NCOR2: variants seen among roughly 807,000 people sequenced by gnomAD.
NCOR2 encodes nuclear receptor corepressor 2.
NCOR2 carries 81 observed loss-of-function variants against 262.9 expected under a neutral mutation model. The ratio of observed to expected loss-of-function variants is 0.31; its 90% confidence interval spans 0.26 to 0.37. The LOEUF (loss-of-function observed/expected upper bound fraction) is 0.37. NCOR2 is among the 10% of genes least tolerant of loss of function. The probability of loss-of-function intolerance (pLI) is 1.00; values close to 1 mark genes in which losing one functional copy is unlikely to be tolerated. For missense variants in NCOR2, 3,385 were observed against 3,621.4 expected (o/e 0.93, Z 1.68); for synonymous variants, 1,659 against 1,559.3 (o/e 1.06, Z -1.51).
At chr12:124,543,734 G>T (rs2051453076) in intron 1 of NCOR2, among the ~76,000 whole-genome samples, 1 of 152,204 alleles carries the variant, frequency 6.6e-6, no homozygotes, top group African/African-American at 2.4e-5. Flanking sequence ...CAGCAGCCTG[G>T]CTCATGGCCA....
At chr12:124,335,358 T>C (rs2035788657) in intron 39 of NCOR2, 78 bp from the exon 42 acceptor site, 2 of 1,501,538 alleles carry the variant, frequency 1.3e-6, no homozygotes, top group Non-Finnish European at 1.8e-6. Context: ...CCCCATGCCT[T>C]TGAGCCTCAT....
At chr12:124,388,802 G>C (rs936334293) in intron 16 of NCOR2, 19 of 1,300,556 alleles carry the variant, frequency 1.5e-5, no homozygotes, top group South Asian at 9.9e-5. Context: ...TCGGCTCTGC[G>C]AGGCTGCTGG....
At chr12:124,463,610 G>A (rs1474756777) in intron 5 of NCOR2, among the ~76,000 whole-genome samples, 2 of 152,256 alleles carry the variant, frequency 1.3e-5, no homozygotes, top group Non-Finnish European at 2.9e-5. Flanking sequence ...CTGCCCGGCA[G>A]GGAAGCTGCG....
chr12:124,551,078 T>A (rs11057668), intron 1 of NCOR2, among the ~76,000 whole-genome samples: 1 of 152,362 alleles, frequency 6.6e-6, no homozygotes, highest in East Asian at 1.9e-4. Flanking sequence ...TGATAGCTAA[T>A]GCCACGGTTC....
At chr12:124,374,368 C>G (rs1489962237) in intron 19 of NCOR2, 45 bp downstream of exon 21, 1 of 1,598,388 alleles carries the variant, frequency 6.3e-7, no homozygotes, top group Non-Finnish European at 8.6e-7. Context: ...GGGATGCCCG[C>G]CCCGGCCCGG....
rs551996761 is a variant in NCOR2, at chr12:124,523,506, G to C, written c.-118+12059C>G. Among the ~76,000 whole-genome samples the C allele has an allele frequency of 2.6e-5, 4 of 152,240 alleles. No homozygotes were observed. The East Asian group carries it at 7.7e-4, about 29-fold the overall frequency. ...TCACCCAAGCTCTCAGTGTGCCAGG[G>C]TCAGTGGGCTTCACGCGGCCTCCAC... On this transcript the variant is annotated intron_variant, in intron 1 of 46. Coordinates refer to the NCOR2 transcript ENST00000404621. This position sits in a 1 kb window ranked among gnomAD's most constrained non-coding sequence, Gnocchi z 4.0.
chr12:124,470,843 A>AG (rs2136684937), intron 4 of NCOR2, among the ~76,000 whole-genome samples: 1 of 152,368 alleles, frequency 6.6e-6, no homozygotes, highest in Admixed American at 6.5e-5. Context: ...TGGAATTTAG[A>AG]GGGGAAAAAA....
intron 1 of NCOR2, among the ~76,000 whole-genome samples, chr12:124,508,298 A>G (rs2049162395): frequency 6.6e-6 from 1 of 152,274 alleles, no homozygotes; most frequent in African/African-American, 2.4e-5. Flanking sequence ...GGCATTGATC[A>G]ATAAATGTCT....
In NCOR2 at chr12:124,351,365, G is replaced by A. The variant is rs527936267; in HGVS notation, c.3694-628C>T. 1.8e-3 allele frequency among the ~76,000 whole-genome samples: 252 copies of A among 143,202 alleles called. 1 individual carries two copies. Among genetic ancestry groups the A allele is most frequent in the African/African-American group, 6.1e-3 (234 of 38,514 alleles). The allele number at this position is 143,202 out of a possible 152,430, so 93.9% of individuals were successfully genotyped here. A position where few individuals can be genotyped will look rare whatever the true frequency, so the allele number is the denominator to read the frequency against. ...CACCTCGGCCCTCCTGACAGCTGGAGCTGGACCCTTCTTTGCTGTGGGGCT... is the reference window on the plus strand; with the variant it reads ...CACCTCGGCCCTCCTGACAGCTGGAACTGGACCCTTCTTTGCTGTGGGGCT... On this transcript the variant is annotated intron_variant, in intron 27 of 46. Coordinates refer to ENST00000405201, the Ensembl canonical transcript of NCOR2.
At chr12:124,446,998 T>A (rs1442410090) in intron 7 of NCOR2, among the ~76,000 whole-genome samples, 1 of 152,128 alleles carries the variant, frequency 6.6e-6, no homozygotes, top group Non-Finnish European at 1.5e-5. Context: ...CACTGCAACC[T>A]CCATCTTCCA....
chr12:124,487,873 T>TAAAA (rs3040836), intron 1 of NCOR2, among the ~76,000 whole-genome samples: 1 of 137,666 alleles, frequency 7.3e-6, no homozygotes, highest in African/African-American at 2.7e-5. Context: ...AAACTGTGTT[T>TAAAA]AAAAAAAAAA....
At chr12:124,359,602 T>C (rs966291824) in intron 22 of NCOR2, among the ~76,000 whole-genome samples, 1 of 152,214 alleles carries the variant, frequency 6.6e-6, no homozygotes, top group African/African-American at 2.4e-5. Flanking sequence ...GCAAACGCCC[T>C]GGACCTGGCC....
In NCOR2 at chr12:124,457,476, C is replaced by A. The variant is rs1234727397; in HGVS notation, c.706-314G>T. 6.6e-6 allele frequency among the ~76,000 whole-genome samples: 1 copy of A among 152,162 alleles called. No individual in the cohort carries two copies. The highest frequency in any genetic ancestry group is 1.5e-5 in the Non-Finnish European group (1 of 68,028). ...CTCCCCCAGGGCCCAGCGACGTGGG[C>A]ACCGCTCCCCACCAGCCCAGCCGAC... On this transcript the variant is annotated intron_variant, in intron 5 of 46. Coordinates refer to ENST00000405201, the Ensembl canonical transcript of NCOR2. The surrounding 1 kb of genome is among the most constrained non-coding windows in gnomAD (Gnocchi z 4.0).
At chr12:124,516,577 G>A (rs2049804081) in intron 1 of NCOR2, among the ~76,000 whole-genome samples, 1 of 152,160 alleles carries the variant, frequency 6.6e-6, no homozygotes, top group Non-Finnish European at 1.5e-5. Context: ...CCAGCACTGT[G>A]CGGGCCCCTT....
intron 1 of NCOR2, among the ~76,000 whole-genome samples, chr12:124,554,856 C>T (rs563505367): frequency 5.3e-5 from 8 of 152,268 alleles, no homozygotes; most frequent in Non-Finnish European, 1.0e-4. Context: ...GGTCAGCTTC[C>T]TGCACAGCAG....
intron 12 of NCOR2, among the ~76,000 whole-genome samples, chr12:124,420,634 G>C (rs925081354): frequency 6.6e-6 from 1 of 152,176 alleles, no homozygotes; most frequent in African/African-American, 2.4e-5. Context: ...ATGTAGATTG[G>C]GTCTGAAAGC....
chr12:124,412,332 G>A (rs1458632953), intron 13 of NCOR2, among the ~76,000 whole-genome samples: 2 of 152,264 alleles, frequency 1.3e-5, no homozygotes, highest in Non-Finnish European at 2.9e-5. Flanking sequence ...CTTCAGACAG[G>A]GCAGGTGTCC....
chr12:124,399,897 G>A (rs10846668), intron 15 of NCOR2, among the ~76,000 whole-genome samples: 57,117 of 151,932 alleles, frequency 0.38, 12,970 homozygotes, highest in Non-Finnish European at 0.49. Flanking sequence ...AGGGTAGTGA[G>A]GGATGAACAC....
chr12:124,519,115 CACACACACACACACACAG>C (rs2050027785), intron 1 of NCOR2, among the ~76,000 whole-genome samples: 1 of 151,344 alleles, frequency 6.6e-6, no homozygotes, highest in South Asian at 2.1e-4. Context: ...CACACACACA[CACACACACACACACACAG>C]GCCAACAATG....
Sources: gnomAD v4.1 joint callset for allele counts (sites outside exome capture counted in the v4.1 genomes callset) on GRCh38, gnomAD v4.1.1 for gene constraint, Gnocchi (gnomAD v3.1) non-coding constraint, MANE v1.5 for transcripts, NCBI Gene and HGNC (gene_info 2026-07-23, HGNC 2026-07-21) for gene names.